The following UGGT2 variants were observed in gnomAD, a reference collection of about 807,000 sequenced individuals.
UGGT2 encodes UDP-glucose:glycoprotein glucosyltransferase 2.
Under a neutral mutation model 192.1 loss-of-function variants are expected in UGGT2, and 180 were observed. That is an observed-to-expected ratio of 0.94 (90% confidence interval 0.83 to 1.06). The LOEUF (loss-of-function observed/expected upper bound fraction) is 1.06. Ranked by LOEUF, UGGT2 falls within the 50% of genes least tolerant of loss-of-function variation. The pLI, the probability that UGGT2 is intolerant of heterozygous loss-of-function variation, is 0.00. For missense variants in UGGT2, 1,849 were observed against 1,795.7 expected (o/e 1.03, Z -0.54); for synonymous variants, 580 against 591.0 (o/e 0.98, Z 0.27).
intron 1 of UGGT2, among the ~76,000 whole-genome samples, chr13:96,038,024 T>C (rs1449323018): frequency 2.0e-5 from 3 of 152,186 alleles, no homozygotes; most frequent in African/African-American, 7.2e-5. Context: ...GTTTATATAA[T>C]AAAGGACCTC....
chr13:96,016,354 A>C (rs904621427), intron 4 of UGGT2, among the ~76,000 whole-genome samples: 2 of 152,210 alleles, frequency 1.3e-5, no homozygotes, highest in African/African-American at 4.8e-5. Context: ...AAAGGCCTGG[A>C]AGGTATTTCA....
intron 36 of UGGT2, among the ~76,000 whole-genome samples, chr13:95,845,179 T>TTA (rs59463809): frequency 8.4e-4 from 127 of 151,850 alleles, no homozygotes; most frequent in Middle Eastern, 3.4e-3. Context: ...TCCTTTCTTT[T>TTA]AAATTTTTTT....
Position 95,926,873 on chromosome 13 carries a change from C to T in UGGT2, c.2200+155G>A, listed in dbSNP as rs149904156. On this transcript the variant is annotated intron_variant, in intron 19 of 38. Coordinates refer to ENST00000376747, the MANE Select transcript of UGGT2 (RefSeq NM_020121.4). ...AATAGAAGGCATTGTTTTCTCAGCACACGTTAAATACTAAAAAATTTACAA... is the reference window on the plus strand; with the variant it reads ...AATAGAAGGCATTGTTTTCTCAGCATACGTTAAATACTAAAAAATTTACAA... Among the ~76,000 whole-genome samples the T allele has an allele frequency of 3.0e-3, 454 of 152,206 alleles. 9 individuals carry two copies. Among genetic ancestry groups the T allele is most frequent in the Admixed American group, 0.027 (416 of 15,294 alleles).
At chr13:95,899,470 G>T (rs2048041464) in intron 22 of UGGT2, among the ~76,000 whole-genome samples, 1 of 151,844 alleles carries the variant, frequency 6.6e-6, no homozygotes, top group South Asian at 2.1e-4. Context: ...CAATTTTAAG[G>T]AAAGTCAGGA....
At chr13:95,934,520 C>T (rs980336529) in intron 17 of UGGT2, among the ~76,000 whole-genome samples, 1 of 152,026 alleles carries the variant, frequency 6.6e-6, no homozygotes, top group Admixed American at 6.5e-5. Context: ...ACCTCATGTA[C>T]CAATATTAAC....
intron 1 of UGGT2, among the ~76,000 whole-genome samples, chr13:96,036,560 T>G (rs1475822387): frequency 2.0e-5 from 3 of 150,498 alleles, no homozygotes. Flanking sequence ...AACTTAAAAG[T>G]TCAAGTAAAA....
chr13:95,913,212 G>T (rs1030577384), intron 20 of UGGT2, among the ~76,000 whole-genome samples: 1 of 152,022 alleles, frequency 6.6e-6, no homozygotes, highest in African/African-American at 2.4e-5. Flanking sequence ...CAAAAGCAAT[G>T]GCAACAAAAG....
At chr13:96,000,997 T>A (rs1433794059) in intron 5 of UGGT2, among the ~76,000 whole-genome samples, 8 of 152,218 alleles carry the variant, frequency 5.3e-5, no homozygotes, top group Non-Finnish European at 1.0e-4. Flanking sequence ...ACATAAAAGA[T>A]GTCATTCATT....
chr13:95,886,191 T>C (rs2047642251), intron 26 of UGGT2, among the ~76,000 whole-genome samples: 1 of 152,164 alleles, frequency 6.6e-6, no homozygotes, highest in Admixed American at 6.5e-5. Context: ...TGAGGAAGTA[T>C]AGCAGTTAAG....
chr13:96,005,198 C>A (rs949188831), intron 5 of UGGT2, among the ~76,000 whole-genome samples: 1 of 151,790 alleles, frequency 6.6e-6, no homozygotes, highest in Non-Finnish European at 1.5e-5. Context: ...GCAGAAGGAA[C>A]GAGAATGATA....
chr13:95,926,513 C>A (rs1594346662), intron 19 of UGGT2, among the ~76,000 whole-genome samples: 1 of 152,130 alleles, frequency 6.6e-6, no homozygotes, highest in East Asian at 1.9e-4. Flanking sequence ...CAAAAACCAC[C>A]AAATTCGAAT....
At chr13:95,995,557 A>G in intron 7 of UGGT2, among the ~76,000 whole-genome samples, 1 of 152,026 alleles carries the variant, frequency 6.6e-6, no homozygotes, top group South Asian at 2.1e-4. Context: ...TTTATCAACT[A>G]TTTTCCTGAA....
chr13:95,861,652 A>T (rs1182211605), intron 31 of UGGT2, among the ~76,000 whole-genome samples: 8 of 152,136 alleles, frequency 5.3e-5, no homozygotes, highest in Admixed American at 4.6e-4. Flanking sequence ...TTTATTTCAA[A>T]ATACTTTTAT....
At chr13:95,822,623 G>C (rs1391631085) in intron 38 of UGGT2, among the ~76,000 whole-genome samples, 1 of 151,916 alleles carries the variant, frequency 6.6e-6, no homozygotes, top group Non-Finnish European at 1.5e-5. Flanking sequence ...GGTCTCGAAT[G>C]ATCTTTTGTA....
At chr13:95,868,197 A>C (rs1890855722) in intron 29 of UGGT2, among the ~76,000 whole-genome samples, 1 of 152,176 alleles carries the variant, frequency 6.6e-6, no homozygotes, top group African/African-American at 2.4e-5. Flanking sequence ...GGAGTCTAGC[A>C]CTATCATGAC....
intron 20 of UGGT2, among the ~76,000 whole-genome samples, chr13:95,907,205 G>A (rs2048320426): frequency 6.6e-6 from 1 of 152,230 alleles, no homozygotes; most frequent in Non-Finnish European, 1.5e-5. Flanking sequence ...CTGGCTGGGG[G>A]AGGGGCGTCC....
At chr13:96,016,220 C>T (rs907610188) in intron 4 of UGGT2, among the ~76,000 whole-genome samples, 1 of 152,132 alleles carries the variant, frequency 6.6e-6, no homozygotes, top group African/African-American at 2.4e-5. Flanking sequence ...ATTTGCAGCC[C>T]TAGCCAGAAA....
At chr13:96,032,048 C>A in intron 1 of UGGT2, 77 bp from the exon 2 acceptor site, 3 of 987,792 alleles carry the variant, frequency 3.0e-6, no homozygotes, top group South Asian at 1.7e-5. Context: ...TACTCAAGAA[C>A]CAAATTATAT....
In UGGT2 at chr13:95,854,371, A is replaced by G; in HGVS notation, c.4113T>C (p.Arg1371=). 6.2e-7 allele frequency: 1 copy of G among 1,613,854 alleles called. No homozygotes were observed. The highest frequency in any genetic ancestry group is 1.1e-5 in the South Asian group (1 of 91,058). Residue 1371 remains arginine (R), a synonymous_variant, in exon 35 of 39, where the codon CGT becomes CGC. Coordinates refer to ENST00000376747, the MANE Select transcript of UGGT2 (RefSeq NM_020121.4). ...CDSRREMDGY[R]FWKTGYWASH... ...ATGCCCAGTATCCTGTTTTCCAGAA[A>G]CGATATCCATCCATTTCCCTGCGGC... is the stretch of plus-strand genomic sequence containing the variant.
Sources: gnomAD v4.1 joint callset for allele counts (sites outside exome capture counted in the v4.1 genomes callset) on GRCh38, gnomAD v4.1.1 for gene constraint, MANE v1.5 for transcripts, NCBI Gene and HGNC (gene_info 2026-07-23, HGNC 2026-07-21) for gene names.